Variants in FAM171A1 observed in about 807,000 individuals in gnomAD.
FAM171A1 encodes protein FAM171A1.
Under a neutral mutation model 74.9 loss-of-function variants are expected in FAM171A1, and 23 were observed. The observed-to-expected ratio is 0.31, with a 90% CI of 0.22 to 0.44. The LOEUF (loss-of-function observed/expected upper bound fraction) is 0.44. Among genes scored for constraint, FAM171A1 ranks in the 20% least tolerant of loss-of-function variants. The pLI, the probability that FAM171A1 is intolerant of heterozygous loss-of-function variation, is 1.00. For synonymous variants in FAM171A1, 527 were observed against 505.7 expected (o/e 1.04, Z -0.57); for missense variants, 1,162 against 1,159.2 (o/e 1.00, Z -0.03).
At chr10:15,238,461 T>C (rs1834323285) in intron 5 of FAM171A1, among the ~76,000 whole-genome samples, 2 of 152,164 alleles carry the variant, frequency 1.3e-5, no homozygotes, top group South Asian at 4.1e-4. Context: ...AATAGTTTCA[T>C]TTTCTTTACG....
At chr10:15,365,931 G>A (rs936797061) in intron 1 of FAM171A1, among the ~76,000 whole-genome samples, 7 of 152,266 alleles carry the variant, frequency 4.6e-5, no homozygotes, top group East Asian at 1.9e-4. Flanking sequence ...CAGCTGTTTA[G>A]GGGAACTTAA....
rs775133483 is a variant in FAM171A1, at chr10:15,254,768, T to C, written c.530A>G (p.Glu177Gly). 1 of 1,614,140 alleles carries C rather than the reference T, an allele frequency of 6.2e-7. No individual in the cohort carries two copies. Among genetic ancestry groups the C allele is most frequent in the South Asian group, 1.1e-5 (1 of 91,080 alleles). The change falls in exon 4 of 8, where the codon GAG becomes GGG. Residue 177 changes from glutamate (E) to glycine (G), a missense_variant. Transcript: ENST00000378116. The stretch of plus-strand genomic sequence containing the variant: ...TCGCAAATAAGGAAAACTGTCCACC[T>C]CCGAAGGGGAGCTGGCGGCCGTGAG... The part of the protein sequence containing the change: ...AFLTAASSPS[E>G]VDSFPYLRGL...
At chr10:15,281,027 C>T (rs1245743079) in intron 2 of FAM171A1, among the ~76,000 whole-genome samples, 1 of 152,196 alleles carries the variant, frequency 6.6e-6, no homozygotes, top group African/African-American at 2.4e-5. Context: ...GGCAGTTTCT[C>T]ATGAATGGTT....
chr10:15,307,264 C>T (rs1050184697), intron 1 of FAM171A1, among the ~76,000 whole-genome samples: 1 of 152,128 alleles, frequency 6.6e-6, no homozygotes, highest in African/African-American at 2.4e-5. Flanking sequence ...GAACCTGCAA[C>T]CCTGACACGA....
chr10:15,264,180 C>G (rs1417697950), intron 3 of FAM171A1, among the ~76,000 whole-genome samples: 2 of 151,980 alleles, frequency 1.3e-5, no homozygotes, highest in Non-Finnish European at 2.9e-5. Flanking sequence ...CTATGTTGCC[C>G]AGTCTGGCTT....
Position 15,275,759 on chromosome 10 carries a change from G to C in FAM171A1, c.418+96C>G, listed in dbSNP as rs1031499224. On this transcript the variant is annotated intron_variant, in intron 3 of 7. Transcript: ENST00000378116. ...GTGTTTGATTTAATCAATCCACCTT[G>C]TATACAAACATCACATCACATTGTA... The C allele has an allele frequency of 2.6e-5, 20 of 755,870 alleles. No homozygotes were observed. The African/African-American group carries it at 3.2e-4, about 12-fold the overall frequency. 46.8% of individuals were successfully genotyped at this position (755,870 alleles called of 1,614,324 possible). A position where few individuals can be genotyped will look rare whatever the true frequency, so the allele number is the denominator to read the frequency against.
chr10:15,372,698 C>CAAAAAA (rs59712649), upstream of FAM171A1, among the ~76,000 whole-genome samples: 1 of 88,700 alleles, frequency 1.1e-5, no homozygotes, highest in Non-Finnish European at 2.1e-5. Context: ...GACCCCGTCT[C>CAAAAAA]AAAAAAAAAA....
At chr10:15,224,954 C>T (rs1319498984) in intron 5 of FAM171A1, among the ~76,000 whole-genome samples, 1 of 152,142 alleles carries the variant, frequency 6.6e-6, no homozygotes, top group Non-Finnish European at 1.5e-5. Context: ...TTCTCTCTTC[C>T]AAAAATCTAC....
At chr10:15,316,495 C>T (rs990372316) in intron 1 of FAM171A1, among the ~76,000 whole-genome samples, 1 of 152,188 alleles carries the variant, frequency 6.6e-6, no homozygotes, top group Non-Finnish European at 1.5e-5. Context: ...GTCTGGCTAC[C>T]CTGGTTCTAA....
intron 1 of FAM171A1, among the ~76,000 whole-genome samples, chr10:15,348,421 A>G (rs552203513): frequency 2.0e-5 from 3 of 152,336 alleles, no homozygotes; most frequent in East Asian, 3.9e-4. Flanking sequence ...TACAGGCGTG[A>G]GCCCCCATGC....
intron 1 of FAM171A1, among the ~76,000 whole-genome samples, chr10:15,310,054 A>G (rs1835342421): frequency 6.6e-6 from 1 of 152,182 alleles, no homozygotes; most frequent in South Asian, 2.1e-4. Flanking sequence ...AGTTGGGCTT[A>G]AGAATCCGAT....
chr10:15,212,969 T>G lies in FAM171A1; in HGVS notation c.2619A>C (p.Lys873Asn). Residue 873 changes from lysine to asparagine, a missense_variant, in exon 8 of 8, where the codon AAA becomes AAC. By Grantham distance (94) the Lys-to-Asn change is moderately conservative. Transcript: ENST00000378116. Reference sequence around the variant, plus strand: ...TCTCCTCCCGTTTCTGCCAGGGGCTTTTCTTGTCTTCTCCTTGGTCATCAT... The same window carrying G: ...TCTCCTCCCGTTTCTGCCAGGGGCTGTTCTTGTCTTCTCCTTGGTCATCAT... ...DDDDDQGEDK[K>N]SPWQKREERP... 6.2e-7 allele frequency: 1 copy of G among 1,614,094 alleles called. No individual in the cohort carries two copies. Among genetic ancestry groups the G allele is most frequent in the South Asian group, 1.1e-5 (1 of 91,076 alleles).
chr10:15,270,658 G>A (rs1422949883), intron 3 of FAM171A1, among the ~76,000 whole-genome samples: 1 of 152,148 alleles, frequency 6.6e-6, no homozygotes, highest in Non-Finnish European at 1.5e-5. Flanking sequence ...CATACGGCTG[G>A]GTGCCCCTTT....
At chr10:15,350,800 G>T (rs1364536110) in intron 1 of FAM171A1, among the ~76,000 whole-genome samples, 1 of 152,064 alleles carries the variant, frequency 6.6e-6, no homozygotes, top group Non-Finnish European at 1.5e-5. Flanking sequence ...GTACCACCAC[G>T]CCTGGCTGAT....
chr10:15,227,590 A>G (rs2131724353), intron 5 of FAM171A1, among the ~76,000 whole-genome samples: 1 of 152,270 alleles, frequency 6.6e-6, no homozygotes, highest in Non-Finnish European at 1.5e-5. Context: ...TATATTGCCC[A>G]GGATGGTCTT....
At chr10:15,347,118 A>T (rs1358764014) in intron 1 of FAM171A1, among the ~76,000 whole-genome samples, 1 of 152,232 alleles carries the variant, frequency 6.6e-6, no homozygotes, top group Non-Finnish European at 1.5e-5. Context: ...TCTGAGCAAC[A>T]ATAGCCAACT....
At chr10:15,324,232 C>T (rs560171700) in intron 1 of FAM171A1, among the ~76,000 whole-genome samples, 2 of 152,152 alleles carry the variant, frequency 1.3e-5, no homozygotes, top group African/African-American at 4.8e-5. Context: ...GCAACTGAGA[C>T]CCAACTTCCT....
At chr10:15,338,117 A>G (rs1456244638) in intron 1 of FAM171A1, among the ~76,000 whole-genome samples, 1 of 152,226 alleles carries the variant, frequency 6.6e-6, no homozygotes, top group East Asian at 1.9e-4. Context: ...GATCCAGACA[A>G]GGATGATCTG....
At chr10:15,277,604 C>T (rs1245377163) in intron 2 of FAM171A1, among the ~76,000 whole-genome samples, 1 of 152,186 alleles carries the variant, frequency 6.6e-6, no homozygotes, top group Admixed American at 6.5e-5. Flanking sequence ...CACCCAATAT[C>T]CCACAGCTAA....
Sources: allele counts gnomAD v4.1 joint callset (sites outside exome capture counted in the v4.1 genomes callset), GRCh38; gene constraint gnomAD v4.1.1; transcripts MANE v1.5; gene names NCBI Gene and HGNC (gene_info 2026-07-23, HGNC 2026-07-21).